R3HDM1: variants seen among roughly 807,000 people sequenced by gnomAD.
The protein encoded by R3HDM1 is R3H domain-containing protein 1.
A neutral mutation model predicts 141.1 loss-of-function variants in R3HDM1; 46 were observed. That is an observed-to-expected ratio of 0.33 (90% CI 0.26 to 0.42). The LOEUF is 0.42. Among genes scored for constraint, R3HDM1 ranks in the 10% least tolerant of loss-of-function variants. R3HDM1 has a pLI of 1.00. For synonymous variants in R3HDM1, 435 were observed against 472.9 expected, an observed-to-expected ratio of 0.92 and a Z score of 1.04; for missense variants, 1,184 against 1,368.3, an observed-to-expected ratio of 0.87 and a Z score of 2.12.
At chr2:135,548,116 T>C (rs906553997) in intron 1 of R3HDM1, among the ~76,000 whole-genome samples, 2 of 152,240 alleles carry the variant, frequency 1.3e-5, no homozygotes, top group Non-Finnish European at 2.9e-5. Context: ...CATAGAATGC[T>C]AAGTACAGAA....
intron 1 of R3HDM1, chr2:135,577,244 C>A (rs2105015684): frequency 2.0e-6 from 2 of 976,142 alleles, no homozygotes; most frequent in East Asian, 1.1e-4. Flanking sequence ...ATGGCAAAAA[C>A]CGACATGAAA....
chr2:135,724,029 G>A lies in R3HDM1; in HGVS notation c.3142G>A (p.Ala1048Thr). ...KLFGELFKIGAKIRWLRDPQS... is the reference protein window; with the variant it reads ...KLFGELFKIGTKIRWLRDPQS... The stretch of plus-strand genomic sequence containing the variant: ...TTTTGGGGAACTCTTTAAAATTGGC[G>A]CCAAGATCCGGTGGCTCCGGGACCC... The change falls in exon 27 of 27, where the codon GCC (alanine) becomes ACC (threonine). Residue 1048 changes from alanine (A) to threonine (T), a missense_variant. Transcript: ENST00000683871. The A allele has an allele frequency of 5.0e-6, 8 of 1,613,910 alleles. No individual in the cohort carries two copies. The highest frequency in any genetic ancestry group is 1.3e-5 in the African/African-American group (1 of 74,944).
At chr2:135,560,843 A>G (rs1701673438) in intron 1 of R3HDM1, among the ~76,000 whole-genome samples, 1 of 152,176 alleles carries the variant, frequency 6.6e-6, no homozygotes, top group Admixed American at 6.5e-5. Context: ...CTGTATGTTA[A>G]GATGGCAGAG....
At chr2:135,666,426 G>A (rs2067504843) in intron 19 of R3HDM1, among the ~76,000 whole-genome samples, 1 of 152,102 alleles carries the variant, frequency 6.6e-6, no homozygotes, top group African/African-American at 2.4e-5. Context: ...TGATTTCTGT[G>A]AGCATTTCTT....
chr2:135,688,997 C>G (rs1303419863), intron 21 of R3HDM1, among the ~76,000 whole-genome samples: 1 of 152,164 alleles, frequency 6.6e-6, no homozygotes, highest in East Asian at 1.9e-4. Context: ...CAGTGTCCTT[C>G]TAAAAAGGAT....
intron 1 of R3HDM1, among the ~76,000 whole-genome samples, chr2:135,591,940 G>A (rs549412725): frequency 3.9e-5 from 6 of 152,120 alleles, no homozygotes; most frequent in South Asian, 2.1e-4. Context: ...GCACATTGGC[G>A]TTTGTTAATT....
chr2:135,613,040 G>A (rs986919231), intron 3 of R3HDM1, among the ~76,000 whole-genome samples: 1 of 152,184 alleles, frequency 6.6e-6, no homozygotes, highest in Non-Finnish European at 1.5e-5. Context: ...ATATAGTAGT[G>A]TATTAGTTTT....
intron 19 of R3HDM1, chr2:135,669,242 C>G: frequency 1.0e-6 from 1 of 985,396 alleles, no homozygotes; most frequent in Non-Finnish European, 1.2e-6. Flanking sequence ...GTTCCTCCCA[C>G]AGAGAGGACA....
chr2:135,612,467 CAT>C (rs2105143263), intron 3 of R3HDM1, among the ~76,000 whole-genome samples: 1 of 152,128 alleles, frequency 6.6e-6, no homozygotes, highest in East Asian at 1.9e-4. Flanking sequence ...ATATATAACT[CAT>C]AAGGATTGCT....
intron 21 of R3HDM1, among the ~76,000 whole-genome samples, chr2:135,692,122 G>C (rs935376684): frequency 6.6e-6 from 1 of 152,018 alleles, no homozygotes; most frequent in Non-Finnish European, 1.5e-5. Context: ...ATGTTGTCCA[G>C]GCAGGTCTCG....
chr2:135,638,601 T>C lies in R3HDM1; in HGVS notation c.904-17T>C, dbSNP rs769730449. On this transcript the variant is annotated splice_polypyrimidine_tract_variant and intron_variant, in intron 11 of 26. Coordinates refer to ENST00000683871, the MANE Select transcript of R3HDM1 (RefSeq NM_001378107.1). ...TTTGACAAAAGCTCAACTTTTTGTA[T>C]CTATTCTTTTTTCTAGTCCCTGTGT... is the stretch of plus-strand genomic sequence containing the variant. The C allele has an allele frequency of 1.3e-6, 2 of 1,598,234 alleles. No homozygotes were observed. Among genetic ancestry groups the C allele is most frequent in the East Asian group, 4.5e-5 (2 of 44,768 alleles).
intron 9 of R3HDM1, among the ~76,000 whole-genome samples, chr2:135,633,545 ATATAAT>A (rs1372123364): frequency 7.2e-5 from 11 of 152,358 alleles, no homozygotes; most frequent in Admixed American, 1.3e-4. Flanking sequence ...TGGGTCAATA[ATATAAT>A]TATAATCAGA....
chr2:135,710,708 T>C (rs2075527195), intron 23 of R3HDM1, among the ~76,000 whole-genome samples: 1 of 152,196 alleles, frequency 6.6e-6, no homozygotes. Flanking sequence ...TGCTAACTTC[T>C]GCGTATTCAA....
At chr2:135,711,400 G>A (rs1490270483) in intron 23 of R3HDM1, among the ~76,000 whole-genome samples, 1 of 152,206 alleles carries the variant, frequency 6.6e-6, no homozygotes, top group Non-Finnish European at 1.5e-5. Flanking sequence ...AGGCGCAGTG[G>A]CTCATGCCTG....
At chr2:135,649,671 T>G (rs2064926764) in intron 16 of R3HDM1, among the ~76,000 whole-genome samples, 1 of 152,178 alleles carries the variant, frequency 6.6e-6, no homozygotes, top group Non-Finnish European at 1.5e-5. Flanking sequence ...TTGCAAAAAA[T>G]TATTCTCCTA....
At chr2:135,661,048 CA>C (rs1393239687) in intron 18 of R3HDM1, among the ~76,000 whole-genome samples, 4 of 151,506 alleles carry the variant, frequency 2.6e-5, no homozygotes, top group African/African-American at 9.7e-5. Context: ...GCAAATATGG[CA>C]AAAAAATTAA....
intron 7 of R3HDM1, among the ~76,000 whole-genome samples, chr2:135,627,222 A>G (rs2062136396): frequency 1.3e-5 from 2 of 152,192 alleles, no homozygotes; most frequent in Admixed American, 6.5e-5. Context: ...GAAGTATGGC[A>G]AATTCCCCCT....
At position 135,649,909 on chromosome 2, in the gene R3HDM1, A is replaced by AAG. The variant is rs1559342714; in HGVS notation, c.1631_1632insAG (p.His544GlnfsTer37). On this transcript the variant is annotated frameshift_variant, in exon 17 of 27. Transcript: ENST00000683871. LOFTEE classifies it high-confidence loss of function. ...CAACCTGTTATTCTTTAGCCTGTTC[A>AAG]TCCTCTGCAGTCCTCTTCACAGCCT... 17 of 1,261,346 alleles carry AAG rather than the reference A, an allele frequency of 1.3e-5. No homozygotes were observed. In the Admixed American group the frequency reaches 3.8e-4, roughly 28 times the overall value. 78.1% of individuals were successfully genotyped at this position (1,261,346 alleles called of 1,614,324 possible).
intron 26 of R3HDM1, among the ~76,000 whole-genome samples, chr2:135,723,050 A>G (rs900286640): frequency 6.6e-6 from 1 of 152,208 alleles, no homozygotes; most frequent in Non-Finnish European, 1.5e-5. Flanking sequence ...AAGCCACTGT[A>G]CAATGCCTCT....
Sources: allele counts gnomAD v4.1 joint callset (sites outside exome capture counted in the v4.1 genomes callset), GRCh38; gene constraint gnomAD v4.1.1; transcripts MANE v1.5; gene names NCBI Gene and HGNC (gene_info 2026-07-23, HGNC 2026-07-21).